The following KCNQ5 variants were observed in gnomAD, a reference collection of about 807,000 sequenced individuals.
The protein encoded by KCNQ5 is potassium voltage-gated channel subfamily Q member 5.
Under a neutral mutation model 98.2 loss-of-function variants are expected in KCNQ5, and 30 were observed. That is an observed-to-expected ratio of 0.31 (90% CI 0.23 to 0.41). KCNQ5 has a LOEUF of 0.41. Ranked by LOEUF, KCNQ5 falls within the 10% of genes least tolerant of loss-of-function variation. The pLI, the probability that KCNQ5 is intolerant of heterozygous loss-of-function variation, is 1.00. For synonymous variants in KCNQ5, 458 were observed against 449.4 expected, an observed-to-expected ratio of 1.02 and a Z score of -0.24; for missense variants, 835 against 1,182.5, an observed-to-expected ratio of 0.71 and a Z score of 4.31.
Position 73,105,356 on chromosome 6 carries a change from G to T in KCNQ5, c.1018G>T (p.Ala340Ser). The change falls in exon 6 of 14, where the codon GCA becomes TCA. Residue 340 changes from alanine to serine, a missense_variant. Transcript: ENST00000370398. ...GFALLGISFF[A>S]LPAGILGSGF... is the part of the protein sequence containing the mutation. ...TGCACTCCTTGGCATTTCTTTCTTT[G>T]CACTTCCTGCCGTGAGTATCTTTGC... is the stretch of plus-strand genomic sequence containing the variant. The T allele has an allele frequency of 6.2e-7, 1 of 1,606,116 alleles. No homozygotes were observed. The highest frequency in any genetic ancestry group is 8.5e-7 in the Non-Finnish European group (1 of 1,174,382).
chr6:72,970,311 G>A (rs1277677525), intron 1 of KCNQ5, among the ~76,000 whole-genome samples: 1 of 152,006 alleles, frequency 6.6e-6, no homozygotes, highest in African/African-American at 2.4e-5. Context: ...ATTCAAACAT[G>A]CTTATTACTC....
rs185718369 is a variant in KCNQ5, at chr6:72,980,039, C to T, written c.399-23869C>T. Reference sequence around the variant, plus strand: ...TGTTCTGTTCCATTGGTCTCTATCTCTGTTTTGGTACCAGTACCATGCTGT... The same window carrying T: ...TGTTCTGTTCCATTGGTCTCTATCTTTGTTTTGGTACCAGTACCATGCTGT... On this transcript the variant is annotated intron_variant, in intron 1 of 13. Transcript: ENST00000370398. Among the ~76,000 whole-genome samples, 511 of 152,286 alleles carry T rather than the reference C, an allele frequency of 3.4e-3. 1 individual carries two copies. Among genetic ancestry groups the T allele is most frequent in the Non-Finnish European group, 5.7e-3 (385 of 68,034 alleles).
intron 10 of KCNQ5, among the ~76,000 whole-genome samples, chr6:73,155,878 T>C (rs1382628126): frequency 6.6e-6 from 1 of 152,130 alleles, no homozygotes; most frequent in Non-Finnish European, 1.5e-5. Context: ...GAGTAAAAAA[T>C]ACATTATCCA....
chr6:72,961,253 A>G (rs886741038), intron 1 of KCNQ5, among the ~76,000 whole-genome samples: 2 of 152,214 alleles, frequency 1.3e-5, no homozygotes, highest in Non-Finnish European at 1.5e-5. Flanking sequence ...CACAAAATAC[A>G]CATTTATAAT....
At chr6:73,055,456 A>C (rs1582268256) in intron 3 of KCNQ5, 1 of 1,548,588 alleles carries the variant, frequency 6.5e-7, no homozygotes, top group South Asian at 1.1e-5. Context: ...ATGTCCCACC[A>C]CCTCCGATGG....
intron 10 of KCNQ5, among the ~76,000 whole-genome samples, chr6:73,138,694 T>G (rs1776578737): frequency 6.6e-6 from 1 of 152,216 alleles, no homozygotes; most frequent in South Asian, 2.1e-4. Flanking sequence ...GGAAGGTACA[T>G]CCTCATCAGG....
At chr6:72,945,741 C>T (rs967406688) in intron 1 of KCNQ5, among the ~76,000 whole-genome samples, 1 of 152,028 alleles carries the variant, frequency 6.6e-6, no homozygotes, top group African/African-American at 2.4e-5. Context: ...AGGCATGAGC[C>T]ACTGCTCCCC....
chr6:72,715,674 A>G (rs1769611129), intron 1 of KCNQ5, among the ~76,000 whole-genome samples: 1 of 152,336 alleles, frequency 6.6e-6, no homozygotes, highest in African/African-American at 2.4e-5. Flanking sequence ...AATTTTAAAA[A>G]GGAAAATCAT....
At chr6:72,964,022 G>A (rs1767495689) in intron 1 of KCNQ5, among the ~76,000 whole-genome samples, 1 of 152,102 alleles carries the variant, frequency 6.6e-6, no homozygotes, top group Non-Finnish European at 1.5e-5. Flanking sequence ...ATGAGTTTCA[G>A]TGCCTTGTTT....
intron 3 of KCNQ5, among the ~76,000 whole-genome samples, chr6:73,051,028 C>T (rs1772210227): frequency 6.6e-6 from 1 of 152,174 alleles, no homozygotes; most frequent in South Asian, 2.1e-4. Context: ...ACAAATAAGG[C>T]AGCTATGTAC....
At chr6:72,674,216 AT>A (rs929476247) in intron 1 of KCNQ5, among the ~76,000 whole-genome samples, 62 of 146,954 alleles carry the variant, frequency 4.2e-4, no homozygotes, top group African/African-American at 5.2e-4. Flanking sequence ...CAATGTTTTG[AT>A]TTTTTTTTTT....
At chr6:72,714,826 TG>T (rs2154475142) in intron 1 of KCNQ5, among the ~76,000 whole-genome samples, 1 of 152,324 alleles carries the variant, frequency 6.6e-6, no homozygotes, top group East Asian at 1.9e-4. Context: ...ATCATATTCA[TG>T]GGCACCAGCG....
At chr6:72,888,147 T>C (rs1194694153) in intron 1 of KCNQ5, among the ~76,000 whole-genome samples, 2 of 152,050 alleles carry the variant, frequency 1.3e-5, no homozygotes, top group Admixed American at 6.6e-5. Context: ...ACGTTAAAAT[T>C]TGGCAGAACT....
intron 1 of KCNQ5, among the ~76,000 whole-genome samples, chr6:72,676,668 C>T (rs1767423382): frequency 6.6e-6 from 1 of 150,916 alleles, no homozygotes; most frequent in South Asian, 2.1e-4. Context: ...TTTAAAAATG[C>T]TGTCACTTCT....
intron 1 of KCNQ5, among the ~76,000 whole-genome samples, chr6:73,000,005 A>G (rs1409998045): frequency 6.6e-6 from 1 of 152,122 alleles, no homozygotes; most frequent in Admixed American, 6.5e-5. Flanking sequence ...TAAATTTTAC[A>G]CACAGATCCC....
At position 73,049,911 on chromosome 6, in the gene KCNQ5, A is replaced by G. The variant is rs550833169; in HGVS notation, c.616+7849A>G. On this transcript the variant is annotated intron_variant, in intron 3 of 13. Transcript: ENST00000370398. ...GTCTAAAAGAAAACATACCAGGCAC[A>G]GTGGCTCATGCCTGTAATCCCAGCA... Among the ~76,000 whole-genome samples the G allele has an allele frequency of 4.6e-5, 7 of 152,254 alleles. No homozygotes were observed. In the South Asian group the frequency reaches 1.5e-3, roughly 32 times the overall value.
chr6:72,804,482 T>C (rs374907047), intron 1 of KCNQ5, among the ~76,000 whole-genome samples: 1 of 152,112 alleles, frequency 6.6e-6, no homozygotes, highest in Admixed American at 6.6e-5. Flanking sequence ...GTTCCATCTA[T>C]GTTGTTGCAA....
intron 1 of KCNQ5, among the ~76,000 whole-genome samples, chr6:72,923,455 C>T (rs1346536662): frequency 6.6e-6 from 1 of 152,118 alleles, no homozygotes; most frequent in Non-Finnish European, 1.5e-5. Context: ...TGTCTCATTA[C>T]AGTTTTAATT....
At chr6:73,047,289 A>G (rs1772009806) in intron 3 of KCNQ5, among the ~76,000 whole-genome samples, 1 of 152,190 alleles carries the variant, frequency 6.6e-6, no homozygotes, top group African/African-American at 2.4e-5. Context: ...AAATTATGTT[A>G]CCTATTGCTG....
Sources: gnomAD v4.1 joint callset for allele counts (sites outside exome capture counted in the v4.1 genomes callset) on GRCh38, gnomAD v4.1.1 for gene constraint, MANE v1.5 for transcripts, NCBI Gene and HGNC (gene_info 2026-07-23, HGNC 2026-07-21) for gene names.